ZFHX3: variants seen among roughly 807,000 people sequenced by gnomAD.
ZFHX3 encodes the protein zinc finger homeobox 3.
Under a neutral mutation model 279.1 loss-of-function variants are expected in ZFHX3, and 42 were observed. The ratio of observed to expected loss-of-function variants is 0.15; its 90% CI spans 0.12 to 0.19. The LOEUF (loss-of-function observed/expected upper bound fraction) is 0.19, where lower values mean the gene tolerates loss of function less well. Among genes scored for constraint, ZFHX3 ranks in the 10% least tolerant of loss-of-function variants. The probability of loss-of-function intolerance (pLI) is 1.00; values close to 1 mark genes in which losing one functional copy is unlikely to be tolerated. For missense variants in ZFHX3, 4,981 were observed against 4,754.0 expected (o/e 1.05, Z -1.40); for synonymous variants, 2,293 against 1,957.8 (o/e 1.17, Z -4.52).
chr16:72,826,014 C>T (rs1219829232), intron 5 of ZFHX3, among the ~76,000 whole-genome samples: 7 of 152,076 alleles, frequency 4.6e-5, no homozygotes, highest in Admixed American at 4.6e-4. Flanking sequence ...TGTTAGATTC[C>T]CTGAAGGCAG....
At chr16:73,394,605 T>C (rs912172310) in intron 3 of ZFHX3, among the ~76,000 whole-genome samples, 3 of 152,072 alleles carry the variant, frequency 2.0e-5, no homozygotes, top group African/African-American at 4.8e-5. Flanking sequence ...CCCTATTTAA[T>C]ATTTTGAAAT....
chr16:73,116,152 T>C (rs1478434923), intron 7 of ZFHX3, among the ~76,000 whole-genome samples: 1 of 151,954 alleles, frequency 6.6e-6, no homozygotes, highest in East Asian at 1.9e-4. Context: ...TGCTCTCTGC[T>C]TCCACTGCTT....
chr16:73,192,403 C>A (rs2144889985), intron 5 of ZFHX3, among the ~76,000 whole-genome samples: 1 of 152,302 alleles, frequency 6.6e-6, no homozygotes, highest in East Asian at 1.9e-4. Flanking sequence ...TGAGTGACTT[C>A]TCCCCTCCCC....
At chr16:73,424,482 T>A (rs2143499811) in intron 3 of ZFHX3, among the ~76,000 whole-genome samples, 1 of 152,214 alleles carries the variant, frequency 6.6e-6, no homozygotes, top group South Asian at 2.1e-4. Context: ...GGGCTACTGA[T>A]GGTTTTGTTC....
intron 1 of ZFHX3, among the ~76,000 whole-genome samples, chr16:73,745,533 T>C (rs1473151484): frequency 1.3e-5 from 2 of 152,196 alleles, no homozygotes; most frequent in African/African-American, 4.8e-5. Context: ...CAGTAGACTA[T>C]GAAAATCTCC....
intron 1 of ZFHX3, among the ~76,000 whole-genome samples, chr16:73,009,796 G>A (rs981487709): frequency 1.3e-5 from 2 of 152,054 alleles, no homozygotes; most frequent in Non-Finnish European, 2.9e-5. Context: ...CGACGCAGGC[G>A]AATCACTTGA....
At chr16:73,534,771 T>C (rs991063830) in intron 2 of ZFHX3, among the ~76,000 whole-genome samples, 7 of 152,126 alleles carry the variant, frequency 4.6e-5, no homozygotes, top group Admixed American at 2.0e-4. Context: ...TGTGTCTGAG[T>C]CTTTCTTGTG....
In ZFHX3 at chr16:72,829,829, C is replaced by A; in HGVS notation, c.3479G>T (p.Ser1160Ile). Residue 1160 changes from serine to isoleucine, a missense_variant, in exon 5 of 10, where the codon AGT becomes ATT. Physicochemically the swap from Ser to Ile is moderately radical, Grantham distance 142 (BLOSUM62 -2). Coordinates refer to ENST00000268489, the MANE Select transcript of ZFHX3 (RefSeq NM_006885.4). ...EEAIEDVEGP[S>I]ETAADPEELA... ...CTCCTCTGGATCAGCAGCTGTTTCA[C>A]TGGGTCCTTCAACATCTTCAATGGC... The A allele has an allele frequency of 1.2e-6, 2 of 1,614,246 alleles. No homozygotes were observed. Among genetic ancestry groups the A allele is most frequent in the African/African-American group, 1.3e-5 (1 of 75,068 alleles).
chr16:73,084,514 ATTTTTT>A (rs34134596), intron 8 of ZFHX3, among the ~76,000 whole-genome samples: 4 of 92,660 alleles, frequency 4.3e-5, no homozygotes, highest in African/African-American at 1.6e-4. Flanking sequence ...CTAGGACTAA[ATTTTTT>A]TTTTTTTTTT....
chr16:73,718,764 C>T (rs1428569561), intron 1 of ZFHX3, among the ~76,000 whole-genome samples: 1 of 151,786 alleles, frequency 6.6e-6, no homozygotes, highest in African/African-American at 2.4e-5. Flanking sequence ...TACAGGCGCA[C>T]ACCACCACGT....
intron 2 of ZFHX3, among the ~76,000 whole-genome samples, chr16:73,603,284 C>CA (rs1213173062): frequency 0.01 from 927 of 90,196 alleles, 8 homozygotes; most frequent in East Asian, 0.053. Context: ...GACTCCATCT[C>CA]AAAAAAAAAA....
At chr16:73,415,054 C>A (rs960748427) in intron 3 of ZFHX3, among the ~76,000 whole-genome samples, 3 of 152,200 alleles carry the variant, frequency 2.0e-5, no homozygotes, top group South Asian at 2.1e-4. Flanking sequence ...CTAGCCCAAT[C>A]CAGCATTCAC....
At chr16:73,011,640 C>T (rs1963922417) in intron 1 of ZFHX3, among the ~76,000 whole-genome samples, 3 of 152,012 alleles carry the variant, frequency 2.0e-5, no homozygotes, top group Admixed American at 1.3e-4. Flanking sequence ...AGGAGAATCA[C>T]TTGAACCTAG....
At chr16:72,827,158 T>C (rs2036953124) in intron 5 of ZFHX3, among the ~76,000 whole-genome samples, 4 of 152,180 alleles carry the variant, frequency 2.6e-5, no homozygotes, top group Admixed American at 2.6e-4. Context: ...CACGATCCCA[T>C]TAAATGCTTG....
chr16:72,831,311 T>C (rs2037055205), intron 4 of ZFHX3, among the ~76,000 whole-genome samples: 1 of 152,196 alleles, frequency 6.6e-6, no homozygotes, highest in South Asian at 2.1e-4. Flanking sequence ...CGGAACGTTC[T>C]TTCTTCCTTA....
chr16:73,729,439 G>A (rs2053549713), intron 1 of ZFHX3, among the ~76,000 whole-genome samples: 1 of 152,102 alleles, frequency 6.6e-6, no homozygotes, highest in Admixed American at 6.5e-5. Flanking sequence ...TGAGTCTGGA[G>A]AATCGCTTGA....
rs7204664 is a variant in ZFHX3 at position 73,431,124 on chromosome 16, A to G, written c.-1291+24879T>C. ...TATGCAATTTGTCTATTAACCCTAA[A>G]CGGCATTGACAGAAAATTCACCTTG... On this transcript the variant is annotated intron_variant, in intron 3 of 17. Transcript: ENST00000641206. Among the ~76,000 whole-genome samples the G allele has an allele frequency of 4.0e-3, 612 of 152,284 alleles. 4 individuals are homozygous for G. The highest frequency in any genetic ancestry group is 0.014 in the African/African-American group (583 of 41,540).
intron 2 of ZFHX3, among the ~76,000 whole-genome samples, chr16:73,524,340 C>G (rs527597324): frequency 6.6e-6 from 1 of 152,270 alleles, no homozygotes; most frequent in East Asian, 1.9e-4. Flanking sequence ...CAAGTCCAAC[C>G]CCTTCATTGA....
Position 73,144,029 on chromosome 16 carries a change from C to T in ZFHX3, c.-1103-198G>A, listed in dbSNP as rs1222180798. Among the ~76,000 whole-genome samples, 4 of 152,160 alleles carry T rather than the reference C, an allele frequency of 2.6e-5. No individual in the cohort carries two copies. The East Asian group carries it at 7.7e-4, about 29-fold the overall frequency. On this transcript the variant is annotated intron_variant, in intron 5 of 17. Transcript: ENST00000641206. ...GGCAAATGACACAGTTCCCTGTATTCACTTATGTTTCCTAGGCTATAGAAA... is the reference window on the plus strand; with the variant it reads ...GGCAAATGACACAGTTCCCTGTATTTACTTATGTTTCCTAGGCTATAGAAA...
Sources: allele counts gnomAD v4.1 joint callset (sites outside exome capture counted in the v4.1 genomes callset), GRCh38; gene constraint gnomAD v4.1.1; transcripts MANE v1.5; gene names NCBI Gene and HGNC (gene_info 2026-07-23, HGNC 2026-07-21).